YWHAQ: variants seen among roughly 807,000 people sequenced by gnomAD.
YWHAQ encodes the protein 14-3-3 protein theta.
YWHAQ carries 6 observed loss-of-function variants against 28.3 expected under a neutral mutation model. That is an observed-to-expected ratio of 0.21 (90% confidence interval 0.12 to 0.42). The LOEUF (loss-of-function observed/expected upper bound fraction) is 0.42, where lower values mean the gene tolerates loss of function less well. YWHAQ is among the 10% of genes least tolerant of loss of function. The pLI, the probability that YWHAQ is intolerant of heterozygous loss-of-function variation, is 1.00. For missense variants in YWHAQ, 201 were observed against 305.6 expected, an observed-to-expected ratio of 0.66 and a Z score of 2.55; for synonymous variants, 143 against 119.1, an observed-to-expected ratio of 1.20 and a Z score of -1.31.
intron 5 of YWHAQ, among the ~76,000 whole-genome samples, chr2:9,586,621 T>C (rs998930030): frequency 5.9e-5 from 9 of 152,194 alleles, no homozygotes; most frequent in African/African-American, 2.2e-4. Flanking sequence ...TGGCTAGAAA[T>C]GCAGGGTCTT....
chr2:9,593,002 C>A (rs1666487891), intron 2 of YWHAQ, among the ~76,000 whole-genome samples: 1 of 152,046 alleles, frequency 6.6e-6, no homozygotes, highest in Non-Finnish European at 1.5e-5. Flanking sequence ...ATCCTTTTTA[C>A]ATTTTGGAAA....
At chr2:9,609,963 TGAGTTG>T (rs1282050629) in intron 2 of YWHAQ, among the ~76,000 whole-genome samples, 3 of 152,316 alleles carry the variant, frequency 2.0e-5, no homozygotes, top group African/African-American at 4.8e-5. Flanking sequence ...TGTAAAGGAC[TGAGTTG>T]GCTATTAAAG....
chr2:9,603,313 G>A (rs1172123551), intron 2 of YWHAQ, among the ~76,000 whole-genome samples: 9 of 147,426 alleles, frequency 6.1e-5, no homozygotes, highest in African/African-American at 1.5e-4. Context: ...TCTGTTGCCC[G>A]GGCTGAAGTG....
At chr2:9,618,760 C>T (rs564063945) in intron 2 of YWHAQ, among the ~76,000 whole-genome samples, 3 of 151,844 alleles carry the variant, frequency 2.0e-5, no homozygotes, top group East Asian at 1.9e-4. Flanking sequence ...GCAATCCTCC[C>T]GTGTTAGCCT....
intron 2 of YWHAQ, 95 bp from the exon 3 acceptor site, chr2:9,591,610 C>A (rs1666457620): frequency 1.4e-6 from 2 of 1,441,996 alleles, no homozygotes; most frequent in Non-Finnish European, 9.4e-7. Flanking sequence ...GCATTTCAAT[C>A]ATTTACTACT....
At chr2:9,617,144 A>C (rs1490591872) in intron 2 of YWHAQ, among the ~76,000 whole-genome samples, 4 of 135,426 alleles carry the variant, frequency 3.0e-5, no homozygotes, top group Non-Finnish European at 6.5e-5. Context: ...TTTTTTTTTT[A>C]GTAGAGACGG....
At position 9,630,253 on chromosome 2, in the gene YWHAQ, T is replaced by C. The variant is rs778901859; in HGVS notation, c.200A>G (p.Gln67Arg). The C allele has an allele frequency of 1.2e-6, 2 of 1,614,170 alleles. No individual in the cohort carries two copies. Among genetic ancestry groups the C allele is most frequent in the South Asian group, 1.1e-5 (1 of 91,088 alleles). The change falls in exon 2 of 6, where the codon CAG (glutamine) becomes CGG (arginine). Residue 67 changes from glutamine (Q) to arginine (R), a missense_variant. Transcript: ENST00000238081. This position sits in a 1 kb window ranked among gnomAD's most constrained non-coding sequence, Gnocchi z 5.6. Reference protein sequence around the residue: ...SAWRVISSIEQKTDTSDKKLQ... With the variant: ...SAWRVISSIERKTDTSDKKLQ... Reference sequence around the variant, plus strand: ...CTTCTTGTCGGAGGTGTCGGTCTTCTGCTCGATGCTAGAGATGACCCTCCA... The same window carrying C: ...CTTCTTGTCGGAGGTGTCGGTCTTCCGCTCGATGCTAGAGATGACCCTCCA...
intron 2 of YWHAQ, among the ~76,000 whole-genome samples, chr2:9,616,646 C>A (rs6748558): frequency 0.037 from 5,608 of 151,672 alleles, 361 homozygotes; most frequent in African/African-American, 0.13. Flanking sequence ...AGCAAAGGAT[C>A]TGAACAGACA....
At chr2:9,599,718 T>C (rs1666650568) in intron 2 of YWHAQ, among the ~76,000 whole-genome samples, 1 of 152,186 alleles carries the variant, frequency 6.6e-6, no homozygotes, top group African/African-American at 2.4e-5. Flanking sequence ...TCATTGACAA[T>C]GCAGCACCTG....
At chr2:9,596,709 T>TA (rs1176212753) in intron 2 of YWHAQ, among the ~76,000 whole-genome samples, 1 of 150,836 alleles carries the variant, frequency 6.6e-6, no homozygotes, top group Non-Finnish European at 1.5e-5. Flanking sequence ...GAGATTTTTT[T>TA]TTTCCCCCTT....
chr2:9,620,584 T>C (rs1667123211), intron 2 of YWHAQ: 2 of 152,194 alleles, frequency 1.3e-5, no homozygotes, highest in Admixed American at 1.3e-4. Flanking sequence ...AGTTAAGAGA[T>C]TATTAACTTC....
At chr2:9,585,470 G>A in intron 5 of YWHAQ, 125 bp from the exon 6 acceptor site, 1 of 1,075,530 alleles carries the variant, frequency 9.3e-7, no homozygotes. Flanking sequence ...TCTTGACTAA[G>A]ACTGAAGTTC....
At chr2:9,608,585 G>A (rs1666881573) in intron 2 of YWHAQ, among the ~76,000 whole-genome samples, 1 of 152,168 alleles carries the variant, frequency 6.6e-6, no homozygotes, top group Non-Finnish European at 1.5e-5. Context: ...CAAAACTACT[G>A]TGTAAACAGA....
intron 2 of YWHAQ, among the ~76,000 whole-genome samples, chr2:9,617,253 C>T (rs1174188549): frequency 1.3e-5 from 2 of 151,802 alleles, no homozygotes; most frequent in Non-Finnish European, 2.9e-5. Context: ...TGAGCCACCA[C>T]GTCCGTCCAA....
At chr2:9,585,462 T>C (rs1482645640) in intron 5 of YWHAQ, 117 bp from the exon 6 acceptor site, 1 of 1,160,608 alleles carries the variant, frequency 8.6e-7, no homozygotes, top group Non-Finnish European at 1.3e-6. Context: ...AATGGAGATC[T>C]TGACTAAGAC....
chr2:9,621,032 C>T (rs1667132259), intron 2 of YWHAQ, among the ~76,000 whole-genome samples: 1 of 152,136 alleles, frequency 6.6e-6, no homozygotes. Flanking sequence ...TTTCATAAGT[C>T]TAAGATATTT....
chr2:9,619,550 CA>C (rs536843621), intron 2 of YWHAQ, among the ~76,000 whole-genome samples: 1 of 140,420 alleles, frequency 7.1e-6, no homozygotes, highest in African/African-American at 2.6e-5. Flanking sequence ...CTTGTCTCAC[CA>C]AAAAAAAACA....
At position 9,587,426 on chromosome 2, in the gene YWHAQ, T is replaced by C. The variant is rs1205128187; in HGVS notation, c.666A>G (p.Arg222=). 1.2e-6 allele frequency: 2 copies of C among 1,611,338 alleles called. No individual in the cohort carries two copies. The change falls in exon 5 of 6, where the codon AGA becomes AGG. Residue 222 remains arginine (R), a synonymous_variant. Transcript: ENST00000238081. ...GTAAACAACTCACTGTTAGGTTGTC[T>C]CTAAGCAACTGCATGATGAGGGTGC... is the stretch of plus-strand genomic sequence containing the variant. ...KDSTLIMQLL[R]DNLTLWTSDS... is the part of the protein sequence containing the mutation.
At chr2:9,628,420 T>G (rs1248151903) in intron 2 of YWHAQ, among the ~76,000 whole-genome samples, 1 of 152,206 alleles carries the variant, frequency 6.6e-6, no homozygotes, top group Non-Finnish European at 1.5e-5. Flanking sequence ...TACGCCATCA[T>G]AAAAAGCAGA....
Sources: allele counts gnomAD v4.1 joint callset (sites outside exome capture counted in the v4.1 genomes callset), GRCh38; gene constraint gnomAD v4.1.1; non-coding constraint Gnocchi (gnomAD v3.1); transcripts MANE v1.5; gene names NCBI Gene and HGNC (gene_info 2026-07-23, HGNC 2026-07-21).